MAMDC2: variants seen among roughly 807,000 people sequenced by gnomAD.
MAMDC2 encodes MAM domain-containing protein 2.
MAMDC2 carries 57 observed loss-of-function variants against 89.8 expected under a neutral mutation model. The ratio of observed to expected loss-of-function variants is 0.63; its 90% confidence interval spans 0.51 to 0.79. The LOEUF is 0.79. Among genes scored for constraint, MAMDC2 ranks in the 30% least tolerant of loss-of-function variants. MAMDC2 has a pLI of 0.00. For synonymous variants in MAMDC2, 313 were observed against 293.4 expected (o/e 1.07, Z -0.68); for missense variants, 800 against 820.6 (o/e 0.97, Z 0.31).
At chr9:70,119,241 T>C (rs942575786) in intron 5 of MAMDC2, among the ~76,000 whole-genome samples, 32 of 151,792 alleles carry the variant, frequency 2.1e-4, no homozygotes, top group African/African-American at 7.8e-4. Context: ...ATCTCTTTGC[T>C]AAGATTTAAA....
chr9:70,155,088 C>G (rs2031712017), intron 9 of MAMDC2, among the ~76,000 whole-genome samples: 1 of 152,102 alleles, frequency 6.6e-6, no homozygotes, highest in Non-Finnish European at 1.5e-5. Context: ...CCTCCTAATG[C>G]CTGGAAACCC....
In MAMDC2 at chr9:70,055,164, C is replaced by T. The variant is rs575153363; in HGVS notation, c.148+10467C>T. On this transcript the variant is annotated intron_variant, in intron 2 of 13. Transcript: ENST00000377182. ...TCTATTTCTGTTATAGAAGTAGTTCCGAGTGAGAAGTACACAGTGAAACTT... is the reference window on the plus strand; with the variant it reads ...TCTATTTCTGTTATAGAAGTAGTTCTGAGTGAGAAGTACACAGTGAAACTT... Among the ~76,000 whole-genome samples the T allele has an allele frequency of 7.2e-5, 11 of 152,188 alleles. No homozygotes were observed. In the South Asian group the frequency reaches 1.0e-3, roughly 14 times the overall value.
rs11142122 is a variant in MAMDC2 at position 70,210,802 on chromosome 9, G to C, written c.1652-7535G>C. On this transcript the variant is annotated intron_variant, in intron 11 of 13. Transcript: ENST00000377182. The stretch of plus-strand genomic sequence containing the variant: ...CCTTTTCATGTTTAGTGCTTCCTTC[G>C]GGAGCTCTGTAAGACAGGCCTGGTA... Among the ~76,000 whole-genome samples, 8 of 151,796 alleles carry C rather than the reference G, an allele frequency of 5.3e-5. No homozygotes were observed. The East Asian group carries it at 1.6e-3, about 29-fold the overall frequency.
intron 2 of MAMDC2, chr9:70,060,575 T>C (rs1254670306): frequency 6.6e-6 from 1 of 152,188 alleles, no homozygotes; most frequent in Admixed American, 6.5e-5. Flanking sequence ...AGAAACAGGA[T>C]AGCATTTTCT....
At chr9:70,116,522 A>G (rs926577273) in intron 5 of MAMDC2, among the ~76,000 whole-genome samples, 1 of 152,084 alleles carries the variant, frequency 6.6e-6, no homozygotes, top group Non-Finnish European at 1.5e-5. Flanking sequence ...TGCATCTGCA[A>G]ATGAGCAATT....
intron 11 of MAMDC2, among the ~76,000 whole-genome samples, chr9:70,199,952 C>T (rs1426475558): frequency 6.6e-6 from 1 of 152,110 alleles, no homozygotes; most frequent in Non-Finnish European, 1.5e-5. Context: ...TGGATATTAG[C>T]CTTTTGTCAG....
At chr9:70,177,268 A>T (rs1287239849) in intron 11 of MAMDC2, among the ~76,000 whole-genome samples, 5 of 152,184 alleles carry the variant, frequency 3.3e-5, no homozygotes, top group African/African-American at 1.2e-4. Flanking sequence ...GATCTGTGAT[A>T]CTGTGACAGT....
At position 70,109,798 on chromosome 9, in the gene MAMDC2, T is replaced by C; in HGVS notation, c.499T>C (p.Cys167Arg). The C allele has an allele frequency of 6.2e-7, 1 of 1,613,146 alleles. No individual in the cohort carries two copies. The highest frequency in any genetic ancestry group is 8.5e-7 in the Non-Finnish European group (1 of 1,179,104). The change falls in exon 4 of 14, where the codon TGT becomes CGT. Residue 167 changes from cysteine (C) to arginine (R), a missense_variant. Physicochemically the swap from Cys to Arg is radical, Grantham distance 180 (BLOSUM62 -3). Transcript: ENST00000377182. The stretch of plus-strand genomic sequence containing the variant: ...TGAAATCAAGATGACAACCGGCTAC[T>C]GTATTGGTAAGTGGGCTTCATTTTC... ...LFEIKMTTGYCIECDFEENHL... is the reference protein window; with the variant it reads ...LFEIKMTTGYRIECDFEENHL...
rs1326829898 is a variant in MAMDC2, at chr9:70,113,056, C to T, written c.567C>T (p.Asn189=). ...GFVNRWNPNV[N]WFVGGGSIRN... ...TGAACCGCTGGAATCCCAATGTGAA[C>T]TGGTTTGTTGGAGGAGGAAGTATTC... is the stretch of plus-strand genomic sequence containing the variant. The change falls in exon 5 of 14, where the codon AAC becomes AAT. Residue 189 remains asparagine, a synonymous_variant. Coordinates refer to ENST00000377182, the MANE Select transcript of MAMDC2 (RefSeq NM_153267.5). 1 of 1,614,106 alleles carries T rather than the reference C, an allele frequency of 6.2e-7. No individual in the cohort carries two copies. The highest frequency in any genetic ancestry group is 1.7e-5 in the Admixed American group (1 of 60,000).
At chr9:70,100,023 A>AGAGAGAGAGG (rs1359855878) in intron 2 of MAMDC2, among the ~76,000 whole-genome samples, 1 of 142,776 alleles carries the variant, frequency 7.0e-6, no homozygotes, top group Non-Finnish European at 1.5e-5. Flanking sequence ...AGAGAGAGAG[A>AGAGAGAGAGG]GCACAAGCAC....
At chr9:70,184,855 C>A (rs1051376937) in intron 11 of MAMDC2, among the ~76,000 whole-genome samples, 13 of 152,004 alleles carry the variant, frequency 8.6e-5, no homozygotes, top group Non-Finnish European at 1.5e-5. Flanking sequence ...GAATTTATTA[C>A]CTATCTTCTG....
At chr9:70,221,380 T>TATATATATATATATATAGAGAGAG in intron 12 of MAMDC2, among the ~76,000 whole-genome samples, 4 of 7,042 alleles carry the variant, frequency 5.7e-4, no homozygotes, top group Non-Finnish European at 7.8e-4. Context: ...TATATATATA[T>TATATATATATATATATAGAGAGAG]AGAGAGAGAG....
chr9:70,082,937 C>A (rs180825734), intron 2 of MAMDC2: 5 of 151,964 alleles, frequency 3.3e-5, no homozygotes, highest in Admixed American at 2.6e-4. Context: ...GCCTCTCCCC[C>A]ACTACATTGT....
intron 2 of MAMDC2, among the ~76,000 whole-genome samples, chr9:70,064,157 A>C (rs963140487): frequency 2.0e-5 from 3 of 152,068 alleles, no homozygotes; most frequent in African/African-American, 7.2e-5. Flanking sequence ...ATATAAGGAC[A>C]TATGAATTTT....
At chr9:70,077,256 G>A (rs1179499686) in intron 2 of MAMDC2, among the ~76,000 whole-genome samples, 6 of 152,302 alleles carry the variant, frequency 3.9e-5, no homozygotes, top group South Asian at 4.2e-4. Flanking sequence ...TAGCTGATAC[G>A]CAACAGAGGT....
intron 9 of MAMDC2, among the ~76,000 whole-genome samples, chr9:70,144,868 G>T (rs933389162): frequency 6.6e-6 from 1 of 152,142 alleles, no homozygotes; most frequent in Non-Finnish European, 1.5e-5. Context: ...ATAACTTCCT[G>T]CCAAAGAAAT....
intron 11 of MAMDC2, among the ~76,000 whole-genome samples, chr9:70,217,996 T>C (rs780085695): frequency 6.6e-6 from 1 of 152,174 alleles, no homozygotes; most frequent in Non-Finnish European, 1.5e-5. Context: ...TCTCTTTCTC[T>C]CCAAACCAAC....
intron 9 of MAMDC2, among the ~76,000 whole-genome samples, chr9:70,149,124 T>C (rs2031503928): frequency 6.9e-6 from 1 of 145,538 alleles, no homozygotes; most frequent in African/African-American, 2.6e-5. Context: ...GGCAGGAGAA[T>C]TGCTTGAACC....
At chr9:70,224,425 CTAGA>C (rs1240849729) in intron 12 of MAMDC2, among the ~76,000 whole-genome samples, 2 of 152,128 alleles carry the variant, frequency 1.3e-5, no homozygotes, top group African/African-American at 2.4e-5. Flanking sequence ...GGCCTGAGAA[CTAGA>C]GAAGCCGATG....
Sources: allele counts gnomAD v4.1 joint callset (sites outside exome capture counted in the v4.1 genomes callset), GRCh38; gene constraint gnomAD v4.1.1; transcripts MANE v1.5; gene names NCBI Gene and HGNC (gene_info 2026-07-23, HGNC 2026-07-21).